Variants in PRKCA observed in about 807,000 individuals in gnomAD.
The protein encoded by PRKCA is protein kinase C alpha.
A neutral mutation model predicts 87.0 loss-of-function variants in PRKCA; 27 were observed. The ratio of observed to expected loss-of-function variants is 0.31; its 90% confidence interval spans 0.23 to 0.43. The LOEUF is 0.43. Among genes scored for constraint, PRKCA ranks in the 20% least tolerant of loss-of-function variants. The probability of loss-of-function intolerance (pLI) is 1.00; values close to 1 mark genes in which losing one functional copy is unlikely to be tolerated. For synonymous variants in PRKCA, 329 were observed against 311.1 expected, an observed-to-expected ratio of 1.06 and a Z score of -0.61; for missense variants, 518 against 852.3, an observed-to-expected ratio of 0.61 and a Z score of 4.88.
At chr17:66,764,950 C>T (rs1974765563) in intron 13 of PRKCA, among the ~76,000 whole-genome samples, 1 of 152,188 alleles carries the variant, frequency 6.6e-6, no homozygotes, top group South Asian at 2.1e-4. Context: ...AGCTGGCTCC[C>T]TAGACCAATG....
chr17:66,442,419 C>A (rs1913819437), intron 2 of PRKCA, among the ~76,000 whole-genome samples: 1 of 151,882 alleles, frequency 6.6e-6, no homozygotes. Context: ...CATTCCTGGC[C>A]CCCTCCCTCC....
chr17:66,595,959 C>T (rs192745496), intron 3 of PRKCA, among the ~76,000 whole-genome samples: 1 of 152,316 alleles, frequency 6.6e-6, no homozygotes, highest in East Asian at 1.9e-4. Flanking sequence ...GCCCATTTTT[C>T]GCAGTTGGAA....
intron 2 of PRKCA, among the ~76,000 whole-genome samples, chr17:66,312,102 C>G (rs1905114301): frequency 6.6e-6 from 1 of 152,124 alleles, no homozygotes; most frequent in Admixed American, 6.5e-5. Context: ...CTGCCTCAGC[C>G]TCCTGAATAG....
intron 2 of PRKCA, among the ~76,000 whole-genome samples, chr17:66,456,292 C>T (rs1914572009): frequency 1.3e-5 from 2 of 152,126 alleles, no homozygotes; most frequent in Admixed American, 1.3e-4. Flanking sequence ...CTGGGGCAAC[C>T]CTAGGAAATG....
chr17:66,421,681 C>T lies in PRKCA; in HGVS notation c.206-74520C>T, dbSNP rs1366290421. On this transcript the variant is annotated intron_variant, in intron 2 of 16. Transcript: ENST00000413366. The stretch of plus-strand genomic sequence containing the variant: ...CCAGGTAGCTGGGATTACAGGCACC[C>T]GCCACCAGGCCTGGCTAATTTTTTT... 4.6e-5 allele frequency among the ~76,000 whole-genome samples: 7 copies of T among 151,296 alleles called. No individual in the cohort carries two copies. In the South Asian group the frequency reaches 6.3e-4, roughly 14 times the overall value.
intron 14 of PRKCA, among the ~76,000 whole-genome samples, chr17:66,781,883 ATATAGTGT>A (rs1185216023): frequency 5.4e-5 from 7 of 129,362 alleles, no homozygotes; most frequent in African/African-American, 2.0e-4. Flanking sequence ...ATATATATAT[ATATAGTGT>A]GTGTGTGTGT....
intron 2 of PRKCA, among the ~76,000 whole-genome samples, chr17:66,328,058 C>G (rs2143262060): frequency 6.6e-6 from 1 of 152,276 alleles, no homozygotes; most frequent in Admixed American, 6.5e-5. Flanking sequence ...GAACGTCTCT[C>G]CTGAGAAGAT....
intron 16 of PRKCA, among the ~76,000 whole-genome samples, chr17:66,791,561 G>A (rs1194616870): frequency 1.3e-5 from 2 of 152,214 alleles, no homozygotes; most frequent in African/African-American, 4.8e-5. Context: ...GAAGGGCAGC[G>A]ATGTGCCTCT....
At chr17:66,539,866 G>A (rs950269617) in intron 3 of PRKCA, among the ~76,000 whole-genome samples, 1 of 152,348 alleles carries the variant, frequency 6.6e-6, no homozygotes, top group East Asian at 1.9e-4. Context: ...AATGCAGTGT[G>A]CAGTCCTAGG....
At chr17:66,730,090 C>T (rs1353221174) in intron 8 of PRKCA, among the ~76,000 whole-genome samples, 4 of 152,158 alleles carry the variant, frequency 2.6e-5, no homozygotes, top group African/African-American at 9.7e-5. Context: ...CATGTCTGGC[C>T]ACAAGCAAGT....
At chr17:66,575,620 A>G (rs1168961208) in intron 3 of PRKCA, among the ~76,000 whole-genome samples, 1 of 152,154 alleles carries the variant, frequency 6.6e-6, no homozygotes, top group Non-Finnish European at 1.5e-5. Context: ...TCCTTTTAAT[A>G]TATTCAGACT....
intron 8 of PRKCA, among the ~76,000 whole-genome samples, chr17:66,713,263 G>A (rs1973383465): frequency 6.6e-6 from 1 of 151,972 alleles, no homozygotes; most frequent in African/African-American, 2.4e-5. Context: ...TATTCACCAG[G>A]CTGGTCTTGA....
intron 3 of PRKCA, among the ~76,000 whole-genome samples, chr17:66,544,978 C>T (rs533998189): frequency 2.6e-5 from 4 of 152,214 alleles, no homozygotes; most frequent in South Asian, 2.1e-4. Flanking sequence ...TTACAGATCA[C>T]GAAATGATAA....
chr17:66,524,561 A>G (rs946386272), intron 3 of PRKCA, among the ~76,000 whole-genome samples: 10 of 152,182 alleles, frequency 6.6e-5, no homozygotes, highest in African/African-American at 1.9e-4. Flanking sequence ...CTCCTACTGC[A>G]GAGCTCTTCT....
At chr17:66,430,050 G>A (rs143848684) in intron 2 of PRKCA, among the ~76,000 whole-genome samples, 2,514 of 152,136 alleles carry the variant, frequency 0.017, 38 homozygotes, top group Non-Finnish European at 0.024. Flanking sequence ...AATTATAGAT[G>A]TACTTATCTG....
chr17:66,635,427 C>T (rs1237850679), intron 3 of PRKCA, among the ~76,000 whole-genome samples: 5 of 152,178 alleles, frequency 3.3e-5, no homozygotes, highest in Non-Finnish European at 5.9e-5. Context: ...CCCAGGCTGG[C>T]GCCACATTTT....
chr17:66,532,955 C>T (rs756623668), intron 3 of PRKCA, among the ~76,000 whole-genome samples: 2 of 152,184 alleles, frequency 1.3e-5, no homozygotes, highest in East Asian at 1.9e-4. Flanking sequence ...AAAACAGACA[C>T]GTTTGCTTCC....
intron 3 of PRKCA, among the ~76,000 whole-genome samples, chr17:66,577,639 C>T (rs1019740405): frequency 6.6e-6 from 1 of 152,140 alleles, no homozygotes; most frequent in Non-Finnish European, 1.5e-5. Context: ...CTGTTTCTAG[C>T]CCAGGGAGGT....
At chr17:66,732,393 A>G (rs567151317) in intron 8 of PRKCA, among the ~76,000 whole-genome samples, 200 of 152,324 alleles carry the variant, frequency 1.3e-3, no homozygotes, top group Non-Finnish European at 2.3e-3. Context: ...ACTTTGACAT[A>G]CTGGAATTAC....
Sources: allele counts gnomAD v4.1 joint callset (sites outside exome capture counted in the v4.1 genomes callset), GRCh38; gene constraint gnomAD v4.1.1; transcripts MANE v1.5; gene names NCBI Gene and HGNC (gene_info 2026-07-23, HGNC 2026-07-21).